The following SLMAP variants were observed in gnomAD, a reference collection of about 807,000 sequenced individuals.
SLMAP encodes sarcolemmal membrane-associated protein.
Under a neutral mutation model 128.8 loss-of-function variants are expected in SLMAP, and 44 were observed. The ratio of observed to expected loss-of-function variants is 0.34; its 90% CI spans 0.27 to 0.44. SLMAP has a LOEUF of 0.44. Ranked by LOEUF, SLMAP falls within the 20% of genes least tolerant of loss-of-function variation. The pLI is 1.00. For missense variants in SLMAP, 787 were observed against 985.3 expected (o/e 0.80, Z 2.69); for synonymous variants, 327 against 348.8 (o/e 0.94, Z 0.70).
chr3:57,852,113 T>C (rs533115698), intron 6 of SLMAP, among the ~76,000 whole-genome samples: 6 of 151,922 alleles, frequency 3.9e-5, no homozygotes, highest in African/African-American at 1.2e-4. Flanking sequence ...GGTTTCACCG[T>C]GTTAGCCAGG....
chr3:57,860,890 A>T, intron 9 of SLMAP, 51 bp downstream of exon 9: 1 of 1,423,150 alleles, frequency 7.0e-7, no homozygotes, highest in Non-Finnish European at 9.5e-7. Flanking sequence ...TGTTCAAAAA[A>T]ATCTCAAGCA....
rs2097047746 is a variant in SLMAP at position 57,929,249 on chromosome 3, C to T, written c.*1960C>T. 1.3e-5 allele frequency: 2 copies of T among 152,596 alleles called. No individual in the cohort carries two copies. Among genetic ancestry groups the T allele is most frequent in the Non-Finnish European group, 2.9e-5 (2 of 68,022 alleles). The allele number at this position is 152,596 out of a possible 1,614,324, so 9.5% of individuals were successfully genotyped here. A position where few individuals can be genotyped will look rare whatever the true frequency, so the allele number is the denominator to read the frequency against. On this transcript the variant is annotated 3_prime_UTR_variant, in exon 25 of 25. Coordinates refer to ENST00000671191, the MANE Select transcript of SLMAP (RefSeq NM_001377540.1). ...TGTTAATAGTCTTCTCTTGACATGA[C>T]TCTTTATGCAACATAACATACATTT... is the stretch of plus-strand genomic sequence containing the variant.
At chr3:57,834,531 C>G (rs925237192) in intron 3 of SLMAP, among the ~76,000 whole-genome samples, 5 of 151,970 alleles carry the variant, frequency 3.3e-5, no homozygotes, top group African/African-American at 1.2e-4. Context: ...AAAATTATCT[C>G]AAGAAGTGGA....
chr3:57,827,452 G>A (rs944447489), intron 2 of SLMAP, among the ~76,000 whole-genome samples: 5 of 152,230 alleles, frequency 3.3e-5, no homozygotes, highest in Admixed American at 2.0e-4. Context: ...ACAAGGAAAA[G>A]TGACTGATGA....
chr3:57,816,887 C>G (rs974577044), intron 2 of SLMAP, among the ~76,000 whole-genome samples: 3 of 152,122 alleles, frequency 2.0e-5, no homozygotes, highest in Non-Finnish European at 4.4e-5. Flanking sequence ...TTTTGAAGTC[C>G]AAGAGCAGCA....
At chr3:57,789,057 C>A (rs1324481070) in intron 2 of SLMAP, among the ~76,000 whole-genome samples, 1 of 152,088 alleles carries the variant, frequency 6.6e-6, no homozygotes, top group African/African-American at 2.4e-5. Context: ...GGAAATGTGG[C>A]ATTAAAAAAG....
intron 21 of SLMAP, among the ~76,000 whole-genome samples, chr3:57,914,886 ATT>A (rs201557292): frequency 1.7e-4 from 23 of 134,502 alleles, no homozygotes; most frequent in Middle Eastern, 4.0e-3. Flanking sequence ...TCAACTCATA[ATT>A]TTTTTTTTTT....
At position 57,871,740 on chromosome 3, in the gene SLMAP, G is replaced by A. The variant is rs773480107; in HGVS notation, c.1300+42G>A. The A allele has an allele frequency of 9.4e-6, 14 of 1,482,058 alleles. No individual in the cohort carries two copies. The East Asian group carries it at 2.7e-4, about 29-fold the overall frequency. The allele number at this position is 1,482,058 out of a possible 1,614,324, so 91.8% of individuals were successfully genotyped here. A position where few individuals can be genotyped will look rare whatever the true frequency, so the allele number is the denominator to read the frequency against. On this transcript the variant is annotated intron_variant, in intron 14 of 24. Transcript: ENST00000671191. ...TTTCACATTGATTTTAATGAAGTCA[G>A]GGGCTAAAACTTAAAAGTGAGAGGT...
At chr3:57,909,366 G>T (rs2096639092) in intron 19 of SLMAP, among the ~76,000 whole-genome samples, 1 of 151,914 alleles carries the variant, frequency 6.6e-6, no homozygotes, top group Admixed American at 6.6e-5. Flanking sequence ...GCTGGGCATG[G>T]TGGTGCATGC....
rs2096635733 is a variant in SLMAP, at chr3:57,909,230, C to G, written c.1699+80C>G. 3 of 1,020,202 alleles carry G rather than the reference C, an allele frequency of 2.9e-6. No homozygotes were observed. In the South Asian group the frequency reaches 4.4e-5, roughly 15 times the overall value. 63.2% of individuals were successfully genotyped at this position (1,020,202 alleles called of 1,614,324 possible). A position where few individuals can be genotyped will look rare whatever the true frequency, so the allele number is the denominator to read the frequency against. On this transcript the variant is annotated intron_variant, in intron 19 of 24. Transcript: ENST00000671191. ...ATTCAAAAGGAATGGAGGCCAGGCG[C>G]AGTGGCTCATGCCTGCAATCCCAGC...
chr3:57,854,347 C>A (rs1474280596), intron 6 of SLMAP, among the ~76,000 whole-genome samples: 1 of 151,646 alleles, frequency 6.6e-6, no homozygotes, highest in African/African-American at 2.4e-5. Context: ...CCTGTAATCC[C>A]AACACTTTGG....
chr3:57,856,116 G>A (rs2094775849), intron 6 of SLMAP, among the ~76,000 whole-genome samples: 1 of 151,896 alleles, frequency 6.6e-6, no homozygotes, highest in African/African-American at 2.4e-5. Flanking sequence ...GAGGGCTGAG[G>A]CAGGAGGATC....
In SLMAP at chr3:57,861,969, A is replaced by G. The variant is rs749680088; in HGVS notation, c.849A>G (p.Glu283=). Reference sequence around the variant, plus strand: ...CGCAGCGAAGTCTGAGTAATACTGAAGATGAATGTACCCATCTGAAAGAAA... The same window carrying G: ...CGCAGCGAAGTCTGAGTAATACTGAGGATGAATGTACCCATCTGAAAGAAA... ...SEVERSLSNT[E]DECTHLKEMN... Residue 283 remains glutamate, a synonymous_variant, in exon 10 of 25, where the codon GAA becomes GAG. Coordinates refer to ENST00000671191, the MANE Select transcript of SLMAP (RefSeq NM_001377540.1). The G allele has an allele frequency of 2.4e-5, 38 of 1,612,280 alleles. No homozygotes were observed. Among genetic ancestry groups the G allele is most frequent in the Non-Finnish European group, 3.1e-5 (36 of 1,178,594 alleles).
At chr3:57,877,852 T>C (rs1327243731) in intron 14 of SLMAP, among the ~76,000 whole-genome samples, 36 of 141,182 alleles carry the variant, frequency 2.5e-4, no homozygotes, top group Admixed American at 2.4e-3. Flanking sequence ...TTTTTTTTTT[T>C]TAAACAGAGT....
chr3:57,805,435 C>T (rs542821269), intron 2 of SLMAP, among the ~76,000 whole-genome samples: 1 of 152,194 alleles, frequency 6.6e-6, no homozygotes, highest in Non-Finnish European at 1.5e-5. Flanking sequence ...ACCATTGCTG[C>T]AGTATTTCCA....
At chr3:57,823,237 A>C (rs1271320397) in intron 2 of SLMAP, among the ~76,000 whole-genome samples, 2 of 151,646 alleles carry the variant, frequency 1.3e-5, no homozygotes, top group Non-Finnish European at 2.9e-5. Flanking sequence ...CTTTTATTAT[A>C]CTTTTAAGTT....
intron 2 of SLMAP, among the ~76,000 whole-genome samples, chr3:57,803,121 A>G (rs1359495560): frequency 6.6e-6 from 1 of 152,202 alleles, no homozygotes; most frequent in Admixed American, 6.5e-5. Context: ...AGCGAAGGCA[A>G]ATAAAAACAG....
intron 2 of SLMAP, among the ~76,000 whole-genome samples, chr3:57,788,973 T>A (rs927236962): frequency 5.3e-5 from 8 of 152,166 alleles, no homozygotes; most frequent in African/African-American, 1.7e-4. Context: ...TCAGTGATGA[T>A]CATTTGTTTT....
chr3:57,821,078 AAATATGT>A (rs1400299665), intron 2 of SLMAP, among the ~76,000 whole-genome samples: 1 of 152,226 alleles, frequency 6.6e-6, no homozygotes, highest in Non-Finnish European at 1.5e-5. Flanking sequence ...CATATTTAAG[AAATATGT>A]AATAATTCTA....
Sources: allele counts gnomAD v4.1 joint callset (sites outside exome capture counted in the v4.1 genomes callset), GRCh38; gene constraint gnomAD v4.1.1; transcripts MANE v1.5; gene names NCBI Gene and HGNC (gene_info 2026-07-23, HGNC 2026-07-21).